The following CFH variants were observed in gnomAD, a reference collection of about 807,000 sequenced individuals.
CFH encodes H factor 1 (complement).
A neutral mutation model predicts 147.3 loss-of-function variants in CFH; 53 were observed. The observed-to-expected ratio is 0.36, with a 90% CI of 0.29 to 0.45. The LOEUF is 0.45. CFH is among the 20% of genes least tolerant of loss of function. CFH has a pLI of 1.00. For synonymous variants in CFH, 536 were observed against 489.4 expected (o/e 1.10, Z -1.26); for missense variants, 1,380 against 1,498.0 (o/e 0.92, Z 1.30).
At chr1:196,721,839 C>CT (rs1201910001) in intron 11 of CFH, among the ~76,000 whole-genome samples, 2 of 149,854 alleles carry the variant, frequency 1.3e-5, no homozygotes, top group Non-Finnish European at 3.0e-5. Flanking sequence ...GATTTGAAAT[C>CT]TTTTTTTATA....
rs754545780 is a variant in CFH, at chr1:196,715,817, T to A, written c.1696+48T>A. ...TTCATTTTCAAAATGAAAATAAATC[T>A]GTTTTCCAATTTTAAAAATTTGAAT... On this transcript the variant is annotated intron_variant, in intron 11 of 21. Coordinates refer to ENST00000367429, the MANE Select transcript of CFH (RefSeq NM_000186.4). 19 of 1,519,808 alleles carry A rather than the reference T, an allele frequency of 1.3e-5. No individual in the cohort carries two copies. The African/African-American group carries it at 2.1e-4, about 17-fold the overall frequency. The allele number at this position is 1,519,808 out of a possible 1,614,324, so 94.1% of individuals were successfully genotyped here.
rs1400914699 is a variant in CFH, at chr1:196,679,799, G to A, written c.790+6G>A. On this transcript the variant is annotated splice_donor_region_variant and intron_variant, in intron 6 of 21. Transcript: ENST00000367429. The stretch of plus-strand genomic sequence containing the variant: ...TCCGTTGCCTTCATGTGAAGGTAAT[G>A]TTACCTTTATTTTCTGGATCTTTAT... 3 of 1,606,096 alleles carry A rather than the reference G, an allele frequency of 1.9e-6. No individual in the cohort carries two copies. In the East Asian group the frequency reaches 6.7e-5, roughly 36 times the overall value.
In CFH at chr1:196,689,602, G is replaced by C; in HGVS notation, c.1147G>C (p.Val383Leu). ...HCTQDGWSPA[V>L]PCLRKCYFPY... ...CACACAAGATGGATGGTCGCCAGCA[G>C]TACCATGCCTCAGTAAGTAAACCTC... Residue 383 changes from valine to leucine, a missense_variant, in exon 8 of 22, where the codon GTA (valine) becomes CTA (leucine). Physicochemically the swap from Val to Leu is conservative, Grantham distance 32. This residue lies in a region of CFH where 167 missense variants were observed against 228.0 expected (regional missense o/e 0.73). Transcript: ENST00000367429. 1 of 1,613,372 alleles carries C rather than the reference G, an allele frequency of 6.2e-7. No homozygotes were observed. Among genetic ancestry groups the C allele is most frequent in the Non-Finnish European group, 8.5e-7 (1 of 1,179,568 alleles).
At chr1:196,684,980 C>A in intron 6 of CFH, 84 bp from the exon 7 acceptor site, 1 of 1,043,626 alleles carries the variant, frequency 9.6e-7, no homozygotes, top group Non-Finnish European at 1.5e-6. Context: ...AAATAAATAA[C>A]ACCCACTTTT....
At chr1:196,695,855 A>G (rs889812119) in intron 9 of CFH, among the ~76,000 whole-genome samples, 1 of 152,140 alleles carries the variant, frequency 6.6e-6, no homozygotes, top group African/African-American at 2.4e-5. Context: ...TTGATTTTGC[A>G]TCCTGAGACT....
At chr1:196,696,814 C>A (rs1037913764) in intron 9 of CFH, among the ~76,000 whole-genome samples, 4 of 152,120 alleles carry the variant, frequency 2.6e-5, no homozygotes, top group African/African-American at 4.8e-5. Context: ...GAGATGCAGA[C>A]CAATGGAACA....
Position 196,685,137 on chromosome 1 carries a change from T to A in CFH, c.864T>A (p.Asp288Glu), listed in dbSNP as rs770711656. ...TAAGGATTAAACACAGAACTGGAGATGAAATCACGTACCAGTGTAGAAATG... is the reference window on the plus strand; with the variant it reads ...TAAGGATTAAACACAGAACTGGAGAAGAAATCACGTACCAGTGTAGAAATG... Reference protein sequence around the residue: ...SPLRIKHRTGDEITYQCRNGF... With the variant: ...SPLRIKHRTGEEITYQCRNGF... The change falls in exon 7 of 22, where the codon GAT (aspartate) becomes GAA (glutamate). Residue 288 changes from aspartate (D) to glutamate (E), a missense_variant. By Grantham distance (45) the Asp-to-Glu change is conservative (BLOSUM62 2). Around this residue, in one of 4 missense-constraint regions of CFH, gnomAD observed 167 missense variants for 228.0 expected, o/e 0.73. Transcript: ENST00000367429. The A allele has an allele frequency of 1.9e-6, 3 of 1,612,712 alleles. No homozygotes were observed. The South Asian group carries it at 3.3e-5, about 18-fold the overall frequency.
At position 196,726,508 on chromosome 1, in the gene CFH, A is replaced by G. The variant is rs747195071; in HGVS notation, c.1912A>G (p.Asn638Asp). ...QSCGPPPELL[N>D]GNVKEKTKEE... ...ATGTGGTCCACCTCCTGAACTCCTC[A>G]ATGGGAATGTTAAGGAAAAAACGAA... Residue 638 changes from asparagine to aspartate, a missense_variant, in exon 13 of 22, where the codon AAT becomes GAT. By Grantham distance (23) the Asn-to-Asp change is conservative. This residue lies in a region of CFH where 830 missense variants were observed against 821.4 expected (regional missense o/e 1.01). Coordinates refer to ENST00000367429, the MANE Select transcript of CFH (RefSeq NM_000186.4). 6.2e-7 allele frequency: 1 copy of G among 1,612,882 alleles called. No individual in the cohort carries two copies. Among genetic ancestry groups the G allele is most frequent in the Non-Finnish European group, 8.5e-7 (1 of 1,179,090 alleles).
intron 9 of CFH, chr1:196,701,197 T>C: frequency 1.5e-6 from 2 of 1,366,672 alleles, no homozygotes; most frequent in South Asian, 1.2e-5. Flanking sequence ...GTGGAAGAAA[T>C]TACTAACTCA....
In CFH at chr1:196,689,596, C is replaced by A. The variant is rs1057524682; in HGVS notation, c.1141C>A (p.Pro381Thr). ...TCATTGCACACAAGATGGATGGTCG[C>A]CAGCAGTACCATGCCTCAGTAAGTA... is the stretch of plus-strand genomic sequence containing the variant. ...HIHCTQDGWS[P>T]AVPCLRKCYF... Residue 381 changes from proline to threonine, a missense_variant, in exon 8 of 22, where the codon CCA becomes ACA. Coordinates refer to ENST00000367429, the MANE Select transcript of CFH (RefSeq NM_000186.4). 2 of 1,613,340 alleles carry A rather than the reference C, an allele frequency of 1.2e-6. No individual in the cohort carries two copies. Among genetic ancestry groups the A allele is most frequent in the South Asian group, 1.1e-5 (1 of 91,078 alleles).
In CFH at chr1:196,747,198, G is replaced by A. The variant is rs761877050; in HGVS notation, c.3581G>A (p.Gly1194Asp). 1.1e-5 allele frequency: 17 copies of A among 1,613,750 alleles called. No homozygotes were observed. Among genetic ancestry groups the A allele is most frequent in the Non-Finnish European group, 1.4e-5 (17 of 1,179,876 alleles). Residue 1194 changes from glycine to aspartate, a missense_variant, in exon 22 of 22, where the codon GGT becomes GAT. Transcript: ENST00000367429. ...AAACAGAAGCTTTATTCGAGAACAG[G>A]TGAATCAGTTGAATTTGTGTGTAAA... ...TAKQKLYSRT[G>D]ESVEFVCKRG...
intron 1 of CFH, among the ~76,000 whole-genome samples, chr1:196,663,561 C>T (rs1666976376): frequency 6.6e-6 from 1 of 151,814 alleles, no homozygotes; most frequent in Admixed American, 6.6e-5. Flanking sequence ...TATTTTGTTC[C>T]TTATGAAGTT....
chr1:196,670,539 C>T (rs1667242101), intron 1 of CFH, among the ~76,000 whole-genome samples: 1 of 152,130 alleles, frequency 6.6e-6, no homozygotes, highest in Non-Finnish European at 1.5e-5. Context: ...TCTGGCATTT[C>T]CCCTGTTTGC....
chr1:196,694,157 C>A (rs1378203662), intron 9 of CFH, among the ~76,000 whole-genome samples: 1 of 151,958 alleles, frequency 6.6e-6, no homozygotes, highest in Non-Finnish European at 1.5e-5. Flanking sequence ...TCTCCCCTTT[C>A]CCCGCACACC....
rs1290775699 is a variant in CFH, at chr1:196,747,167, A to T, written c.3550A>T (p.Thr1184Ser). The change falls in exon 22 of 22, where the codon ACA becomes TCA. Residue 1184 changes from threonine (T) to serine (S), a missense_variant. By Grantham distance (58) the Thr-to-Ser change is moderately conservative. Around this residue, in one of 4 missense-constraint regions of CFH, gnomAD observed 123 missense variants for 185.3 expected, o/e 0.66. Transcript: ENST00000367429. Reference protein sequence around the residue: ...MENYNIALRWTAKQKLYSRTG... With the variant: ...MENYNIALRWSAKQKLYSRTG... The stretch of plus-strand genomic sequence containing the variant: ...AAATTATAACATAGCATTAAGGTGG[A>T]CAGCCAAACAGAAGCTTTATTCGAG... 6.2e-7 allele frequency: 1 copy of T among 1,613,782 alleles called. No individual in the cohort carries two copies. Among genetic ancestry groups the T allele is most frequent in the Non-Finnish European group, 8.5e-7 (1 of 1,179,852 alleles).
Position 196,740,732 on chromosome 1 carries a change from G to C in CFH, c.2896G>C (p.Asp966His), listed in dbSNP as rs752629905. 6 of 1,613,852 alleles carry C rather than the reference G, an allele frequency of 3.7e-6. No homozygotes were observed. The African/African-American group carries it at 5.3e-5, about 14-fold the overall frequency. ...CAAATGTTTTGAAGGTTTTGGAATT[G>C]ATGGGCCTGCAATTGCAAAATGCTT... is the stretch of plus-strand genomic sequence containing the variant. ...TYKCFEGFGIDGPAIAKCLGE... is the reference protein window; with the variant it reads ...TYKCFEGFGIHGPAIAKCLGE... Residue 966 changes from aspartate (D) to histidine (H), a missense_variant, in exon 18 of 22, where the codon GAT becomes CAT. Coordinates refer to ENST00000367429, the MANE Select transcript of CFH (RefSeq NM_000186.4).
At chr1:196,671,267 A>C (rs1298724253) in intron 1 of CFH, among the ~76,000 whole-genome samples, 1 of 152,128 alleles carries the variant, frequency 6.6e-6, no homozygotes, top group Non-Finnish European at 1.5e-5. Context: ...CTAACATCTG[A>C]ATCTGAGTGT....
chr1:196,661,500 C>A (rs1334873226), intron 1 of CFH, among the ~76,000 whole-genome samples: 2 of 152,172 alleles, frequency 1.3e-5, no homozygotes, highest in African/African-American at 4.8e-5. Flanking sequence ...GAGGTCTGCT[C>A]TCTGGTTCAT....
In CFH at chr1:196,726,757, A is replaced by G. The variant is rs1160106118; in HGVS notation, c.2057-4A>G. On this transcript the variant is annotated splice_polypyrimidine_tract_variant and splice_region_variant and intron_variant, in intron 13 of 21. Coordinates refer to ENST00000367429, the MANE Select transcript of CFH (RefSeq NM_000186.4). ...AATAAACTTTTTTTGTAAAATTTAC[A>G]TAGTGGAGGAGAGTACCTGTGGAGA... 4 of 1,613,790 alleles carry G rather than the reference A, an allele frequency of 2.5e-6. No individual in the cohort carries two copies. The highest frequency in any genetic ancestry group is 2.2e-5 in the East Asian group (1 of 44,856).
Sources: allele counts gnomAD v4.1 joint callset (sites outside exome capture counted in the v4.1 genomes callset), GRCh38; gene constraint gnomAD v4.1.1; regional missense constraint gnomAD v4.1.1; transcripts MANE v1.5; gene names NCBI Gene and HGNC (gene_info 2026-07-23, HGNC 2026-07-21).